Variants in GLT8D1 observed in about 807,000 individuals in gnomAD.
GLT8D1 encodes the protein glycosyltransferase 8 domain containing 1, also known as glycosyltransferase 8 domain-containing protein 1.
A neutral mutation model predicts 46.2 loss-of-function variants in GLT8D1; 41 were observed. The observed-to-expected ratio is 0.89, with a 90% CI of 0.69 to 1.15. The LOEUF (loss-of-function observed/expected upper bound fraction) is 1.15, where lower values mean the gene tolerates loss of function less well. GLT8D1 is among the 50% of genes most tolerant of loss of function. GLT8D1 has a pLI of 0.00. For missense variants in GLT8D1, 408 were observed against 449.3 expected (o/e 0.91, Z 0.83); for synonymous variants, 150 against 154.2 (o/e 0.97, Z 0.20).
Position 52,697,811 on chromosome 3 carries a change from G to C in GLT8D1, c.239C>G (p.Ala80Gly), listed in dbSNP as rs138720022. The C allele has an allele frequency of 1.2e-6, 2 of 1,612,920 alleles. No individual in the cohort carries two copies. Among genetic ancestry groups the C allele is most frequent in the Non-Finnish European group, 1.7e-6 (2 of 1,179,032 alleles). ...CTGAATGCTGTTTATAGCTGCAATG[G>C]CCCCCCCAAGCCTGTCTTCAGATGC... ...IAASEDRLGG[A>G]IAAINSIQHN... The change falls in exon 4 of 10, where the codon GCC becomes GGC. Residue 80 changes from alanine to glycine, a missense_variant. By Grantham distance (60) the Ala-to-Gly change is moderately conservative (BLOSUM62 0). Transcript: ENST00000266014.
At chr3:52,700,210 A>G in intron 3 of GLT8D1, 52 bp downstream of exon 3, 1 of 1,102,776 alleles carries the variant, frequency 9.1e-7, no homozygotes. Flanking sequence ...TGACACAGAG[A>G]ATACCAGGTC....
intron 1 of GLT8D1, among the ~76,000 whole-genome samples, chr3:52,704,458 C>CAAAAAAAAAAAAAAAAAAAAAAA: frequency 1.9e-5 from 1 of 53,558 alleles, no homozygotes; most frequent in Non-Finnish European, 3.5e-5. Flanking sequence ...GTCTTCGCCT[C>CAAAAAAAAAAAAAAAAAAAAAAA]AAAAAAAAAA....
intron 7 of GLT8D1, 47 bp downstream of exon 7, chr3:52,695,881 C>G: frequency 9.0e-7 from 1 of 1,112,870 alleles, no homozygotes. Context: ...CAACCTCTTC[C>G]CATTAAACAA....
intron 3 of GLT8D1, among the ~76,000 whole-genome samples, chr3:52,699,679 ATTAC>A (rs1437900702): frequency 6.6e-6 from 1 of 152,124 alleles, no homozygotes; most frequent in Non-Finnish European, 1.5e-5. Context: ...AGGAACATGC[ATTAC>A]TTTATATGTA....
In GLT8D1 at chr3:52,700,372, AG is replaced by A. The variant is rs1397639021; in HGVS notation, c.17-13del. The A allele has an allele frequency of 1.9e-6, 3 of 1,606,692 alleles. No homozygotes were observed. Among genetic ancestry groups the A allele is most frequent in the Non-Finnish European group, 2.6e-6 (3 of 1,173,678 alleles). ...GATGATGATGTTTACTGAAATAGAT[AG>A]GGAAAACCTATGTTATACCTCTTTA... is the stretch of plus-strand genomic sequence containing the variant. On this transcript the variant is annotated splice_polypyrimidine_tract_variant and intron_variant, in intron 2 of 9. Coordinates refer to ENST00000266014, the MANE Select transcript of GLT8D1 (RefSeq NM_018446.4).
chr3:52,698,980 G>T (rs1009924066), intron 3 of GLT8D1, among the ~76,000 whole-genome samples: 2 of 152,092 alleles, frequency 1.3e-5, no homozygotes, highest in African/African-American at 4.8e-5. Flanking sequence ...TCTGAAAGCT[G>T]TTGTAGCAAA....
At chr3:52,695,692 A>AAAAT in intron 7 of GLT8D1, 105 bp from the exon 8 acceptor site, 1 of 719,548 alleles carries the variant, frequency 1.4e-6, no homozygotes, top group Non-Finnish European at 2.4e-6. Flanking sequence ...TTCAGATTAG[A>AAAAT]AAATAAATAT....
In GLT8D1 at chr3:52,705,751, G is replaced by A. The variant is rs1327723293; in HGVS notation, c.-341C>T. 11 of 985,294 alleles carry A rather than the reference G, an allele frequency of 1.1e-5. No individual in the cohort carries two copies. Among genetic ancestry groups the A allele is most frequent in the East Asian group, 4.0e-5 (1 of 25,148 alleles). The allele number at this position is 985,294 out of a possible 1,614,324, so 61.0% of individuals were successfully genotyped here. On this transcript the variant is annotated 5_prime_UTR_variant, in exon 1 of 10. Coordinates refer to ENST00000266014, the MANE Select transcript of GLT8D1 (RefSeq NM_018446.4). Reference sequence around the variant, plus strand: ...CAGCCCCACTACGCCCAGCCAGCCCGCAGCGGTAACCGCTAGAGCGTCGCG... The same window carrying A: ...CAGCCCCACTACGCCCAGCCAGCCCACAGCGGTAACCGCTAGAGCGTCGCG...
At chr3:52,697,670 G>C in intron 4 of GLT8D1, 51 bp downstream of exon 4, 4 of 1,213,380 alleles carry the variant, frequency 3.3e-6, no homozygotes, top group Non-Finnish European at 4.9e-6. Flanking sequence ...ATTGGCAGCT[G>C]GCCTGCTCTA....
intron 1 of GLT8D1, among the ~76,000 whole-genome samples, chr3:52,700,907 G>A (rs1488132953): frequency 6.6e-6 from 1 of 151,618 alleles, no homozygotes; most frequent in African/African-American, 2.4e-5. Flanking sequence ...ACTAAAAACT[G>A]CAAAAAAATT....
chr3:52,702,056 G>A (rs2097339825), intron 1 of GLT8D1, among the ~76,000 whole-genome samples: 1 of 151,986 alleles, frequency 6.6e-6, no homozygotes, highest in Non-Finnish European at 1.5e-5. Flanking sequence ...TTTTAGACAG[G>A]GTCTCACCAT....
rs541347427 is a variant in GLT8D1, at chr3:52,695,210, A to G, written c.905T>C (p.Met302Thr). Reference protein sequence around the residue: ...FYQQHSTIDPMWNVRHLGSSA... With the variant: ...FYQQHSTIDPTWNVRHLGSSA... ...CTTACCAAGGTGGCGGACATTCCAC[A>G]TAGGATCGATGGTAGAGTGCTGTTG... Residue 302 changes from methionine to threonine, a missense_variant, in exon 9 of 10, where the codon ATG (methionine) becomes ACG (threonine). Transcript: ENST00000266014. 10 of 1,612,658 alleles carry G rather than the reference A, an allele frequency of 6.2e-6. No homozygotes were observed. The South Asian group carries it at 7.7e-5, about 12-fold the overall frequency.
At chr3:52,699,561 C>T (rs866517282) in intron 3 of GLT8D1, among the ~76,000 whole-genome samples, 19 of 152,072 alleles carry the variant, frequency 1.2e-4, no homozygotes, top group Admixed American at 2.6e-4. Context: ...GAGATGGTCT[C>T]GATCTCTGAC....
chr3:52,703,520 G>A (rs1426536071), intron 1 of GLT8D1: 1 of 151,630 alleles, frequency 6.6e-6, no homozygotes, highest in Non-Finnish European at 1.5e-5. Flanking sequence ...TACAGAAGCT[G>A]GCAGAGGGGA....
chr3:52,699,543 A>G (rs2097337445), intron 3 of GLT8D1, among the ~76,000 whole-genome samples: 1 of 152,156 alleles, frequency 6.6e-6, no homozygotes, highest in Admixed American at 6.5e-5. Flanking sequence ...TCAGCCTCCC[A>G]AAGTGCTGAG....
chr3:52,704,458 CAAAAAAAAAAAAAAA>C (rs60851820), intron 1 of GLT8D1, among the ~76,000 whole-genome samples: 1 of 53,558 alleles, frequency 1.9e-5, no homozygotes, highest in South Asian at 1.0e-3. Context: ...GTCTTCGCCT[CAAAAAAAAAAAAAAA>C]AAAAAAAAAA....
intron 2 of GLT8D1, 24 bp from the exon 3 acceptor site, chr3:52,700,384 T>A (rs376655141): frequency 1.3e-6 from 2 of 1,594,682 alleles, no homozygotes; most frequent in East Asian, 2.2e-5. Flanking sequence ...GGAAAACCTA[T>A]GTTATACCTC....
At chr3:52,701,043 C>T (rs1349762427) in intron 1 of GLT8D1, among the ~76,000 whole-genome samples, 3 of 151,966 alleles carry the variant, frequency 2.0e-5, no homozygotes, top group Non-Finnish European at 2.9e-5. Flanking sequence ...CCAGCCTGGG[C>T]GACAGAGTGA....
At chr3:52,695,774 G>C in intron 7 of GLT8D1, 154 bp downstream of exon 7, 1 of 640,698 alleles carries the variant, frequency 1.6e-6, no homozygotes, top group South Asian at 2.0e-5. Context: ...CAATTAGGCT[G>C]TCAAGTCCAT....
Sources: gnomAD v4.1 joint callset for allele counts (sites outside exome capture counted in the v4.1 genomes callset) on GRCh38, gnomAD v4.1.1 for gene constraint, MANE v1.5 for transcripts, NCBI Gene and HGNC (gene_info 2026-07-23, HGNC 2026-07-21) for gene names.